Variants in SLC9A6 observed in about 807,000 individuals in gnomAD.
The protein encoded by SLC9A6 is solute carrier family 9 member A6.
Under a neutral mutation model 45.3 loss-of-function variants are expected in SLC9A6, and 6 were observed. The ratio of observed to expected loss-of-function variants is 0.13; its 90% confidence interval spans 0.07 to 0.26. The LOEUF (loss-of-function observed/expected upper bound fraction) is 0.26, where lower values mean the gene tolerates loss of function less well. SLC9A6 is among the 10% of genes least tolerant of loss of function. The pLI is 1.00. For synonymous variants in SLC9A6, 191 were observed against 187.7 expected, an observed-to-expected ratio of 1.02 and a Z score of -0.14; for missense variants, 278 against 503.7, an observed-to-expected ratio of 0.55 and a Z score of 4.29.
chrX:136,027,548 G>A (rs1400795939), intron 13 of SLC9A6, among the ~76,000 whole-genome samples: 2 of 112,122 alleles, frequency 1.8e-5, no homozygotes, highest in African/African-American at 6.5e-5. Context: ...AAGGGCCAGA[G>A]AGTAAATATA....
chrX:135,980,207 C>CA (rs1569523619), upstream of SLC9A6, among the ~76,000 whole-genome samples: 4 of 76,315 alleles, frequency 5.2e-5, no homozygotes, highest in Non-Finnish European at 2.5e-5. Context: ...GCCTGTCCCC[C>CA]AATACATGAT....
At chrX:136,001,285 C>T (rs1183581152) in intron 6 of SLC9A6, among the ~76,000 whole-genome samples, 1 of 95,977 alleles carries the variant, frequency 1.0e-5, no homozygotes, top group Middle Eastern at 6.0e-3. Context: ...TGCAGTGAGC[C>T]GAGATTGCGC....
chrX:135,989,680 T>C (rs2089399163), intron 2 of SLC9A6, among the ~76,000 whole-genome samples: 1 of 111,941 alleles, frequency 8.9e-6, no homozygotes. Context: ...GTTCTTCCTA[T>C]ATTTTTGACT....
chrX:135,984,688 G>A (rs1385744377), upstream of SLC9A6, among the ~76,000 whole-genome samples: 1 of 111,417 alleles, frequency 9.0e-6, no homozygotes, highest in African/African-American at 3.3e-5. Context: ...TTCGGAGCTG[G>A]GGACATTTGC....
chrX:136,019,522 G>A (rs1198280044), intron 11 of SLC9A6, among the ~76,000 whole-genome samples: 1 of 112,569 alleles, frequency 8.9e-6, no homozygotes, highest in African/African-American at 3.2e-5. Context: ...AAGAACAGAT[G>A]TTGGGGAGAA....
rs2071588871 is a variant in SLC9A6, at chrX:136,045,758, C to T, written c.*1034C>T. 8.9e-6 allele frequency: 1 copy of T among 112,140 alleles called. No homozygotes were observed. The highest frequency in any genetic ancestry group is 3.2e-5 in the African/African-American group (1 of 30,799). The allele number at this position is 112,140 out of a possible 1,213,427, so 9.2% of individuals were successfully genotyped here. On this transcript the variant is annotated 3_prime_UTR_variant, in exon 18 of 18. Coordinates refer to ENST00000630721, the MANE Select transcript of SLC9A6 (RefSeq NM_001379110.1). ...CTGTGTCTAATCATCATTTGTTAGT[C>T]TGTAGTTAATGTCAACAGTTAATTT...
intron 11 of SLC9A6, among the ~76,000 whole-genome samples, chrX:136,022,067 A>G (rs192303094): frequency 8.9e-5 from 10 of 111,856 alleles, no homozygotes; most frequent in Non-Finnish European, 1.5e-4. Flanking sequence ...ACTGGTAGCC[A>G]TTTTAGTGCT....
At chrX:136,039,297 CAAA>C (rs781946482) in intron 16 of SLC9A6, among the ~76,000 whole-genome samples, 1 of 86,342 alleles carries the variant, frequency 1.2e-5, no homozygotes. Context: ...GACACTGTCT[CAAA>C]AAAAAAAAAA....
chrX:135,998,672 A>G (rs1396049397), intron 5 of SLC9A6, 114 bp downstream of exon 5: 12 of 652,986 alleles, frequency 1.8e-5, no homozygotes, highest in South Asian at 2.5e-5. Context: ...GACTTTTGCA[A>G]TATTCACGTA....
At chrX:136,042,710 C>T (rs1556622849) in intron 17 of SLC9A6, among the ~76,000 whole-genome samples, 1 of 110,972 alleles carries the variant, frequency 9.0e-6, no homozygotes, top group Non-Finnish European at 1.9e-5. Flanking sequence ...TTGTTTTACA[C>T]AAATGGGATT....
At chrX:135,989,143 A>G (rs974124167) in intron 2 of SLC9A6, among the ~76,000 whole-genome samples, 2 of 111,640 alleles carry the variant, frequency 1.8e-5, no homozygotes, top group Non-Finnish European at 3.8e-5. Context: ...AAATGCTATT[A>G]AAAATAAGCT....
intron 10 of SLC9A6, among the ~76,000 whole-genome samples, chrX:136,016,136 AC>A (rs1374453154): frequency 9.0e-6 from 1 of 111,586 alleles, no homozygotes; most frequent in African/African-American, 3.3e-5. Flanking sequence ...AAGTGAAGTC[AC>A]AGGGCAAGCT....
chrX:135,996,099 T>A (rs2089493501), intron 3 of SLC9A6, among the ~76,000 whole-genome samples: 1 of 96,863 alleles, frequency 1.0e-5, no homozygotes, highest in Admixed American at 1.2e-4. Flanking sequence ...TGGCACGATC[T>A]CAGCTCTCTG....
chrX:136,000,787 A>C (rs2089569928), intron 6 of SLC9A6, among the ~76,000 whole-genome samples: 1 of 111,412 alleles, frequency 9.0e-6, no homozygotes, highest in South Asian at 3.7e-4. Flanking sequence ...CTTTGGTATC[A>C]GTATATTCCA....
intron 11 of SLC9A6, among the ~76,000 whole-genome samples, chrX:136,019,285 A>G (rs782371094): frequency 8.9e-6 from 1 of 112,516 alleles, no homozygotes; most frequent in South Asian, 3.7e-4. Flanking sequence ...GACTGAAGCA[A>G]TATTGTTGCT....
intron 7 of SLC9A6, among the ~76,000 whole-genome samples, chrX:136,004,554 C>T (rs782692513): frequency 6.2e-5 from 7 of 112,208 alleles, no homozygotes; most frequent in African/African-American, 2.3e-4. Flanking sequence ...AATAAAACAT[C>T]ACTGGCTCTG....
intron 1 of SLC9A6, among the ~76,000 whole-genome samples, chrX:135,975,722 C>T (rs2148123546): frequency 8.9e-6 from 1 of 112,029 alleles, no homozygotes; most frequent in South Asian, 3.7e-4. Context: ...CTCAAAAATC[C>T]CCATGGACTT....
intron 11 of SLC9A6, among the ~76,000 whole-genome samples, chrX:136,020,250 C>T (rs2148183872): frequency 8.9e-6 from 1 of 111,845 alleles, no homozygotes; most frequent in East Asian, 2.8e-4. Context: ...TAGGTTCCAC[C>T]TCCTTGAGGA....
At chrX:136,018,259 A>G (rs1285538303) in intron 11 of SLC9A6, among the ~76,000 whole-genome samples, 6 of 111,953 alleles carry the variant, frequency 5.4e-5, no homozygotes, top group East Asian at 2.8e-4. Context: ...TAGTTGTTGT[A>G]GAGAGTGGGA....
Sources: allele counts gnomAD v4.1 joint callset (sites outside exome capture counted in the v4.1 genomes callset), GRCh38; gene constraint gnomAD v4.1.1; transcripts MANE v1.5; gene names NCBI Gene and HGNC (gene_info 2026-07-23, HGNC 2026-07-21).